Variants in ADD1 observed in about 807,000 individuals in gnomAD.
ADD1 encodes alpha-adducin.
ADD1 carries 24 observed loss-of-function variants against 80.5 expected under a neutral mutation model. That is an observed-to-expected ratio of 0.30 (90% CI 0.22 to 0.42). The LOEUF is 0.42. Ranked by LOEUF, ADD1 falls within the 10% of genes least tolerant of loss-of-function variation. The pLI, the probability that ADD1 is intolerant of heterozygous loss-of-function variation, is 1.00. For synonymous variants in ADD1, 373 were observed against 393.8 expected (o/e 0.95, Z 0.63); for missense variants, 948 against 1,019.0 (o/e 0.93, Z 0.95).
intron 1 of ADD1, among the ~76,000 whole-genome samples, chr4:2,856,341 G>A (rs558636677): frequency 6.6e-6 from 1 of 152,196 alleles, no homozygotes; most frequent in African/African-American, 2.4e-5. Context: ...TTATTCCCTT[G>A]TAGGTGATCT....
rs185156234 is a variant in ADD1 at position 2,875,784 on chromosome 4, G to A, written c.-20-112G>A. ...CAGGTCATGGTTTCCACTGTCAGTT[G>A]GTCATTACATCCTCCTGTTGAAGAT... On this transcript the variant is annotated intron_variant, in intron 1 of 15. Transcript: ENST00000683351. 660 of 867,934 alleles carry A rather than the reference G, an allele frequency of 7.6e-4. 3 individuals are homozygous for A. The highest frequency in any genetic ancestry group is 4.1e-3 in the Middle Eastern group (11 of 2,688). The allele number at this position is 867,934 out of a possible 1,614,324, so 53.8% of individuals were successfully genotyped here.
chr4:2,884,699 A>C, intron 4 of ADD1, 33 bp downstream of exon 4: 3 of 1,544,104 alleles, frequency 1.9e-6, no homozygotes, highest in South Asian at 1.2e-5. Flanking sequence ...ACTGAACGAT[A>C]AATGAAATAT....
intron 9 of ADD1, chr4:2,900,066 T>G (rs543223437): frequency 6.5e-6 from 1 of 154,368 alleles, no homozygotes; most frequent in Non-Finnish European, 1.4e-5. Flanking sequence ...AGAGAAAATT[T>G]TATGTGGAAG....
At chr4:2,908,403 G>T in intron 11 of ADD1, 112 bp from the exon 12 acceptor site, 1 of 892,632 alleles carries the variant, frequency 1.1e-6, no homozygotes, top group Non-Finnish European at 1.8e-6. Context: ...GGCAGTGGGA[G>T]AGCTGAAATG....
chr4:2,898,462 G>A lies in ADD1; in HGVS notation c.915G>A (p.Val305=). ...KVLILRNHGL[V]SVGESVEEAF... ...TTATTCTCCGGAACCATGGGCTCGT[G>A]TCAGTTGGAGAGAGCGTTGAGGAGG... is the stretch of plus-strand genomic sequence containing the variant. Residue 305 remains valine, a synonymous_variant, in exon 8 of 16, where the codon GTG becomes GTA. Transcript: ENST00000683351. The A allele has an allele frequency of 1.2e-6, 2 of 1,614,244 alleles. No individual in the cohort carries two copies. The highest frequency in any genetic ancestry group is 2.2e-5 in the East Asian group (1 of 44,890).
intron 1 of ADD1, among the ~76,000 whole-genome samples, chr4:2,866,014 G>C (rs1199031593): frequency 6.6e-6 from 1 of 152,168 alleles, no homozygotes; most frequent in African/African-American, 2.4e-5. Context: ...TGTGTTATTT[G>C]CTCAATTGCG....
intron 9 of ADD1, chr4:2,902,245 G>T (rs1313571162): frequency 6.6e-6 from 1 of 152,172 alleles, no homozygotes. Flanking sequence ...GGCTCTTTAA[G>T]CAAAAGGAAA....
chr4:2,918,532 C>A (rs1463940801), intron 14 of ADD1, among the ~76,000 whole-genome samples: 1 of 152,076 alleles, frequency 6.6e-6, no homozygotes, highest in Non-Finnish European at 1.5e-5. Flanking sequence ...TTGCCGTGGC[C>A]AGAACTTCTA....
chr4:2,853,207 C>A (rs1356811274), intron 1 of ADD1: 2 of 150,944 alleles, frequency 1.3e-5, no homozygotes, highest in African/African-American at 4.9e-5. Flanking sequence ...CTCCCAGGTT[C>A]AAGCAATTCT....
At chr4:2,887,169 G>T (rs1423499055) in intron 4 of ADD1, among the ~76,000 whole-genome samples, 1 of 152,140 alleles carries the variant, frequency 6.6e-6, no homozygotes. Flanking sequence ...TTATAAACTA[G>T]AACTAGAGAA....
chr4:2,894,283 A>G (rs904520445), intron 5 of ADD1, among the ~76,000 whole-genome samples, 190 bp downstream of exon 5: 1 of 152,202 alleles, frequency 6.6e-6, no homozygotes, highest in Non-Finnish European at 1.5e-5. Context: ...AATAGTTTCT[A>G]GTTAGGGTAA....
At chr4:2,864,385 A>C (rs1006133625) in intron 1 of ADD1, among the ~76,000 whole-genome samples, 4 of 152,142 alleles carry the variant, frequency 2.6e-5, no homozygotes, top group Non-Finnish European at 2.9e-5. Flanking sequence ...CCATTGCTCC[A>C]CCCTGGGTGA....
At chr4:2,879,159 G>A (rs1269897153) in intron 2 of ADD1, among the ~76,000 whole-genome samples, 2 of 152,132 alleles carry the variant, frequency 1.3e-5, no homozygotes, top group African/African-American at 2.4e-5. Flanking sequence ...GATCAAAGTA[G>A]CACACACAAG....
chr4:2,845,253 A>G (rs1430845259), intron 1 of ADD1, among the ~76,000 whole-genome samples: 2 of 152,064 alleles, frequency 1.3e-5, no homozygotes, highest in Non-Finnish European at 1.5e-5. Flanking sequence ...TTGTATTTTT[A>G]GTAGAGACGG....
At chr4:2,925,741 A>G (rs1740857246) in intron 14 of ADD1, among the ~76,000 whole-genome samples, 1 of 152,242 alleles carries the variant, frequency 6.6e-6, no homozygotes, top group Non-Finnish European at 1.5e-5. Flanking sequence ...ATTCGAGTCC[A>G]TCACAGAAGT....
intron 1 of ADD1, among the ~76,000 whole-genome samples, chr4:2,875,437 A>G (rs1332586797): frequency 1.3e-5 from 2 of 151,984 alleles, no homozygotes; most frequent in Non-Finnish European, 2.9e-5. Flanking sequence ...TCTTCTGTTG[A>G]TCTGTTTGTG....
chr4:2,854,774 G>C (rs1205452528), intron 1 of ADD1: 1 of 152,062 alleles, frequency 6.6e-6, no homozygotes, highest in African/African-American at 2.4e-5. Flanking sequence ...TGTTTCATGG[G>C]TATATTAGTT....
intron 1 of ADD1, among the ~76,000 whole-genome samples, chr4:2,848,848 G>A (rs1408817238): frequency 1.3e-5 from 2 of 152,088 alleles, no homozygotes; most frequent in African/African-American, 4.8e-5. Flanking sequence ...CACTTATGAG[G>A]TACATCTATA....
In ADD1 at chr4:2,920,950, G is replaced by A. The variant is rs189391584; in HGVS notation, c.1949-5064G>A. On this transcript the variant is annotated intron_variant, in intron 14 of 15. Transcript: ENST00000683351. ...TAGTGTCGATGGTCTTTACAATTTG[G>A]TATGTTTTTGCAGTGGGTGGAACTG... Among the ~76,000 whole-genome samples the A allele has an allele frequency of 1.3e-3, 198 of 152,228 alleles. 1 individual carries two copies. Among genetic ancestry groups the A allele is most frequent in the African/African-American group, 4.2e-3 (175 of 41,532 alleles).
Sources: allele counts gnomAD v4.1 joint callset (sites outside exome capture counted in the v4.1 genomes callset), GRCh38; gene constraint gnomAD v4.1.1; transcripts MANE v1.5; gene names NCBI Gene and HGNC (gene_info 2026-07-23, HGNC 2026-07-21).